CTNNA3: variants seen among roughly 807,000 people sequenced by gnomAD.
CTNNA3 encodes the protein catenin alpha 3.
In CTNNA3, 76 loss-of-function variants were observed where a neutral mutation model predicts 95.7. The ratio of observed to expected loss-of-function variants is 0.79; its 90% CI spans 0.66 to 0.96. The LOEUF (loss-of-function observed/expected upper bound fraction) is 0.96. Ranked by LOEUF, CTNNA3 falls within the 40% of genes least tolerant of loss-of-function variation. The pLI, the probability that CTNNA3 is intolerant of heterozygous loss-of-function variation, is 0.00. For synonymous variants in CTNNA3, 431 were observed against 374.4 expected, an observed-to-expected ratio of 1.15 and a Z score of -1.74; for missense variants, 1,191 against 1,089.8, an observed-to-expected ratio of 1.09 and a Z score of -1.31.
At chr10:66,283,913 C>T (rs116067095) in intron 12 of CTNNA3, among the ~76,000 whole-genome samples, 407 of 151,768 alleles carry the variant, frequency 2.7e-3, no homozygotes, top group Middle Eastern at 0.024. Flanking sequence ...AATTGACAAG[C>T]CTGTCTTTAC....
chr10:66,705,556 T>A (rs183153151), intron 9 of CTNNA3, among the ~76,000 whole-genome samples: 2 of 152,032 alleles, frequency 1.3e-5, no homozygotes, highest in Non-Finnish European at 2.9e-5. Flanking sequence ...GCCGTTTAAG[T>A]CATCTACATC....
At chr10:66,061,941 A>G (rs903927276) in intron 15 of CTNNA3, among the ~76,000 whole-genome samples, 2 of 152,160 alleles carry the variant, frequency 1.3e-5, no homozygotes, top group Non-Finnish European at 2.9e-5. Flanking sequence ...TCCTTGAGGA[A>G]AGAACTGATT....
At chr10:67,391,265 A>G (rs1844470592) in intron 5 of CTNNA3, among the ~76,000 whole-genome samples, 1 of 151,904 alleles carries the variant, frequency 6.6e-6, no homozygotes, top group African/African-American at 2.4e-5. Context: ...CCAACAACAG[A>G]CAAACAGAGA....
chr10:66,670,024 TAAAC>T (rs1846602185), intron 9 of CTNNA3, among the ~76,000 whole-genome samples: 1 of 152,156 alleles, frequency 6.6e-6, no homozygotes, highest in South Asian at 2.1e-4. Flanking sequence ...GAAAAAAAAT[TAAAC>T]AAGGAACATT....
At chr10:66,208,712 G>T (rs2087924064) in intron 13 of CTNNA3, among the ~76,000 whole-genome samples, 1 of 152,052 alleles carries the variant, frequency 6.6e-6, no homozygotes, top group South Asian at 2.1e-4. Context: ...TACATTTACA[G>T]TGCATGTAAA....
intron 2 of CTNNA3, among the ~76,000 whole-genome samples, chr10:67,628,250 CA>C (rs199962864): frequency 0.028 from 3,346 of 121,432 alleles, 110 homozygotes; most frequent in African/African-American, 0.093. Flanking sequence ...GAGTAAACTG[CA>C]AAAAAAAAAA....
rs1564897099 is a variant in CTNNA3 at position 66,360,790 on chromosome 10, TTCCTTC to T, written c.1732+18356_1732+18361del. Among the ~76,000 whole-genome samples, 196 of 64,620 alleles carry T rather than the reference TTCCTTC, an allele frequency of 3.0e-3. 5 individuals carry two copies. The highest frequency in any genetic ancestry group is 3.8e-3 in the Non-Finnish European group (130 of 33,872). 42.4% of individuals were successfully genotyped at this position (64,620 alleles called of 152,430 possible). A position where few individuals can be genotyped will look rare whatever the true frequency, so the allele number is the denominator to read the frequency against. On this transcript the variant is annotated intron_variant, in intron 12 of 17. Coordinates refer to ENST00000433211, the MANE Select transcript of CTNNA3 (RefSeq NM_013266.4). ...TTCCTTTTCTTTCTTTCTTTCTTCC[TTCCTTC>T]CTTCCTTCCTTCCTTCCTTCCTTTC...
At chr10:66,947,434 AG>A (rs1373710747) in intron 7 of CTNNA3, among the ~76,000 whole-genome samples, 1 of 152,160 alleles carries the variant, frequency 6.6e-6, no homozygotes, top group African/African-American at 2.4e-5. Flanking sequence ...CCATGGGGAA[AG>A]GGGAATGGTT....
At chr10:67,483,665 G>A (rs1443154201) in intron 5 of CTNNA3, among the ~76,000 whole-genome samples, 4 of 151,070 alleles carry the variant, frequency 2.6e-5, no homozygotes, top group African/African-American at 4.9e-5. Context: ...GCTAAATGAC[G>A]AGTTAATGGG....
At chr10:66,974,910 A>G (rs951670514) in intron 7 of CTNNA3, among the ~76,000 whole-genome samples, 5 of 151,858 alleles carry the variant, frequency 3.3e-5, no homozygotes, top group Non-Finnish European at 5.9e-5. Context: ...ATTTTTTTTA[A>G]GGAGAAAAAA....
intron 7 of CTNNA3, among the ~76,000 whole-genome samples, chr10:67,144,137 T>C (rs1860729184): frequency 2.0e-5 from 3 of 152,216 alleles, no homozygotes; most frequent in Non-Finnish European, 4.4e-5. Flanking sequence ...AGGTGCATTG[T>C]CAATGAGCAA....
intron 11 of CTNNA3, among the ~76,000 whole-genome samples, chr10:66,450,421 T>C (rs563776445): frequency 1.3e-5 from 2 of 152,236 alleles, no homozygotes; most frequent in African/African-American, 4.8e-5. Context: ...AGTAAGGCTT[T>C]AGACCTCACT....
At chr10:67,386,568 G>A (rs763723482) in intron 5 of CTNNA3, among the ~76,000 whole-genome samples, 1 of 152,088 alleles carries the variant, frequency 6.6e-6, no homozygotes, top group African/African-American at 2.4e-5. Context: ...AAAAAAGACT[G>A]ACAATAGATC....
At chr10:66,560,922 G>A (rs943167482) in intron 10 of CTNNA3, among the ~76,000 whole-genome samples, 4 of 151,940 alleles carry the variant, frequency 2.6e-5, no homozygotes, top group African/African-American at 9.7e-5. Context: ...TTGTAAACCA[G>A]TAAGTGGACC....
At position 67,515,505 on chromosome 10, in the gene CTNNA3, A is replaced by C. The variant is rs186328808; in HGVS notation, c.579+6337T>G. On this transcript the variant is annotated intron_variant, in intron 5 of 17. Coordinates refer to ENST00000433211, the MANE Select transcript of CTNNA3 (RefSeq NM_013266.4). Reference sequence around the variant, plus strand: ...GTTTGGGTTGGTTTGAACTTAGCACACTGTTTAATAATTCAACATTTTTTA... The same window carrying C: ...GTTTGGGTTGGTTTGAACTTAGCACCCTGTTTAATAATTCAACATTTTTTA... Among the ~76,000 whole-genome samples the C allele has an allele frequency of 7.1e-4, 108 of 152,346 alleles. 1 individual carries two copies. The highest frequency in any genetic ancestry group is 1.2e-3 in the East Asian group (6 of 5,196).
At chr10:67,511,175 C>T (rs950687020) in intron 5 of CTNNA3, among the ~76,000 whole-genome samples, 2 of 152,142 alleles carry the variant, frequency 1.3e-5, no homozygotes, top group African/African-American at 2.4e-5. Flanking sequence ...TAATTGAATA[C>T]CCTTTACTTC....
At chr10:67,123,047 T>C (rs1859543668) in intron 7 of CTNNA3, among the ~76,000 whole-genome samples, 1 of 152,122 alleles carries the variant, frequency 6.6e-6, no homozygotes, top group Non-Finnish European at 1.5e-5. Context: ...CCCAAATCCA[T>C]ACTATTAAAT....
At chr10:66,013,136 G>A (rs964970755) in intron 15 of CTNNA3, among the ~76,000 whole-genome samples, 34 of 152,178 alleles carry the variant, frequency 2.2e-4, no homozygotes, top group Non-Finnish European at 4.4e-4. Context: ...CCTGACCTTG[G>A]GTGATCCACC....
chr10:66,626,809 A>G (rs570882244), intron 9 of CTNNA3, among the ~76,000 whole-genome samples: 1 of 152,228 alleles, frequency 6.6e-6, no homozygotes, highest in Non-Finnish European at 1.5e-5. Context: ...AGATATTCTG[A>G]TACATTAAGT....
Sources: allele counts gnomAD v4.1 joint callset (sites outside exome capture counted in the v4.1 genomes callset), GRCh38; gene constraint gnomAD v4.1.1; transcripts MANE v1.5; gene names NCBI Gene and HGNC (gene_info 2026-07-23, HGNC 2026-07-21).